Variants in SCAP observed in about 807,000 individuals in gnomAD.
The protein encoded by SCAP is sterol regulatory element-binding protein cleavage-activating protein.
Under a neutral mutation model 123.6 loss-of-function variants are expected in SCAP, and 65 were observed. That is an observed-to-expected ratio of 0.53 (90% CI 0.43 to 0.65). SCAP has a LOEUF of 0.65. Ranked by LOEUF, SCAP falls within the 30% of genes least tolerant of loss-of-function variation. The pLI is 0.00. For synonymous variants in SCAP, 740 were observed against 726.3 expected (o/e 1.02, Z -0.30); for missense variants, 1,398 against 1,712.5 (o/e 0.82, Z 3.24).
At chr3:47,469,040 T>C (rs1447671102) in intron 1 of SCAP, among the ~76,000 whole-genome samples, 1 of 152,188 alleles carries the variant, frequency 6.6e-6, no homozygotes, top group Non-Finnish European at 1.5e-5. Context: ...TGTCACTAAA[T>C]AGTACACTTA....
intron 3 of SCAP, among the ~76,000 whole-genome samples, chr3:47,430,098 C>T (rs1177270911): frequency 6.6e-6 from 1 of 152,210 alleles, no homozygotes; most frequent in East Asian, 1.9e-4. Flanking sequence ...CACACGCATA[C>T]AAACAGTGTC....
intron 2 of SCAP, among the ~76,000 whole-genome samples, chr3:47,436,680 T>C (rs977411512): frequency 6.6e-6 from 1 of 152,216 alleles, no homozygotes; most frequent in Non-Finnish European, 1.5e-5. Flanking sequence ...ATGTACATTT[T>C]GTTTCAGATC....
In SCAP at chr3:47,419,253, G is replaced by A; in HGVS notation, c.1940+75C>T. On this transcript the variant is annotated intron_variant, in intron 13 of 22. Coordinates refer to ENST00000265565, the MANE Select transcript of SCAP (RefSeq NM_012235.4). This position sits in a 1 kb window ranked among gnomAD's most constrained non-coding sequence, Gnocchi z 5.0. ...TTATTTGCATAATTCAAACCTGTGG[G>A]CCTCCTGCATTGGGGAAAGGGGATG... is the stretch of plus-strand genomic sequence containing the variant. 2 of 1,508,994 alleles carry A rather than the reference G, an allele frequency of 1.3e-6. No homozygotes were observed. Among genetic ancestry groups the A allele is most frequent in the African/African-American group, 2.8e-5 (2 of 72,100 alleles). The allele number at this position is 1,508,994 out of a possible 1,614,324, so 93.5% of individuals were successfully genotyped here.
chr3:47,460,618 T>G (rs1707596056), intron 1 of SCAP, among the ~76,000 whole-genome samples: 1 of 152,118 alleles, frequency 6.6e-6, no homozygotes. Flanking sequence ...AGTGGCACAA[T>G]CTCGGCTCAC....
chr3:47,425,942 T>G, intron 7 of SCAP, 55 bp downstream of exon 7: 1 of 1,598,320 alleles, frequency 6.3e-7, no homozygotes, highest in Non-Finnish European at 8.6e-7. Context: ...GCAGGTGACA[T>G]GGAAATGCCC....
At chr3:47,425,705 G>A (rs1001905398) in intron 7 of SCAP, 94 bp from the exon 8 acceptor site, 30 of 1,391,056 alleles carry the variant, frequency 2.2e-5, no homozygotes, top group Non-Finnish European at 3.0e-5. Flanking sequence ...AGTCGAGGAA[G>A]GGAAAACTCC....
chr3:47,462,963 A>T (rs1344344031), intron 1 of SCAP, among the ~76,000 whole-genome samples: 1 of 151,618 alleles, frequency 6.6e-6, no homozygotes, highest in Non-Finnish European at 1.5e-5. Context: ...TCCAATTCTC[A>T]TCTGTTTGCT....
At chr3:47,454,272 C>T (rs963513137) in intron 1 of SCAP, among the ~76,000 whole-genome samples, 1 of 151,580 alleles carries the variant, frequency 6.6e-6, no homozygotes, top group African/African-American at 2.4e-5. Flanking sequence ...GAGGCTGAGG[C>T]AGGAGAATGG....
At chr3:47,474,408 T>G (rs1708188572) in intron 1 of SCAP, among the ~76,000 whole-genome samples, 1 of 152,218 alleles carries the variant, frequency 6.6e-6, no homozygotes, top group Admixed American at 6.5e-5. Context: ...TTAAATATAT[T>G]TATATAGTGT....
At chr3:47,425,173 C>T (rs914399729) in intron 8 of SCAP, 1 of 281,178 alleles carries the variant, frequency 3.6e-6, no homozygotes, top group African/African-American at 2.2e-5. Flanking sequence ...ACAAATCCGA[C>T]TACACACATG....
At chr3:47,428,449 G>A in intron 4 of SCAP, 64 bp downstream of exon 4, 1 of 1,509,052 alleles carries the variant, frequency 6.6e-7, no homozygotes, top group Non-Finnish European at 9.1e-7. Context: ...TTACACTGAG[G>A]ACTGTAACTC....
chr3:47,459,620 G>A (rs866571461), intron 1 of SCAP, among the ~76,000 whole-genome samples: 8 of 152,136 alleles, frequency 5.3e-5, no homozygotes, highest in South Asian at 2.1e-4. Context: ...CAAAAGGGGA[G>A]GGGGTGCAAG....
At chr3:47,425,933 C>A in intron 7 of SCAP, 64 bp downstream of exon 7, 1 of 1,566,416 alleles carries the variant, frequency 6.4e-7, no homozygotes, top group Non-Finnish European at 8.7e-7. Flanking sequence ...GCCAGGGAAG[C>A]AGGTGACATG....
chr3:47,418,189 C>T lies in SCAP; in HGVS notation c.2392G>A (p.Val798Ile), dbSNP rs12487736. The T allele has an allele frequency of 0.55, 869,779 of 1,574,632 alleles. 244,920 individuals carry two copies. Among genetic ancestry groups the T allele is most frequent in the Non-Finnish European group, 0.58 (670,277 of 1,160,730 alleles). Reference sequence around the variant, plus strand: ...CCGGTCTGCGCGTCCCACACGCAGACGTGGCCTGCCAGGCAGCAGCTCACC... The same window carrying T: ...CCGGTCTGCGCGTCCCACACGCAGATGTGGCCTGCCAGGCAGCAGCTCACC... ...LLVSCCLAGH[V>I]CVWDAQTGDC... The change falls in exon 16 of 23, where the codon GTC becomes ATC. Residue 798 changes from valine (V) to isoleucine (I), a missense_variant. Val to Ile is a conservative substitution (Grantham distance 29). Transcript: ENST00000265565.
At chr3:47,425,731 A>G in intron 7 of SCAP, 120 bp from the exon 8 acceptor site, 4 of 1,149,982 alleles carry the variant, frequency 3.5e-6, no homozygotes, top group Middle Eastern at 2.2e-4. Flanking sequence ...TCACCAAAGG[A>G]AAGGGACAGG....
chr3:47,438,670 C>T (rs1706680430), intron 2 of SCAP, among the ~76,000 whole-genome samples: 4 of 151,634 alleles, frequency 2.6e-5, no homozygotes, highest in African/African-American at 9.7e-5. Flanking sequence ...AAAAATTGGC[C>T]GGACGCGGTG....
intron 18 of SCAP, among the ~76,000 whole-genome samples, chr3:47,416,709 C>T (rs1705592799): frequency 6.7e-6 from 1 of 148,816 alleles, no homozygotes; most frequent in African/African-American, 2.5e-5. Context: ...TCACTGCAAG[C>T]TCCGCCTCCC....
intron 4 of SCAP, among the ~76,000 whole-genome samples, chr3:47,428,170 A>C (rs1706218928): frequency 6.6e-6 from 1 of 152,138 alleles, no homozygotes; most frequent in Non-Finnish European, 1.5e-5. Flanking sequence ...CCCCAGGTAG[A>C]GCTTGCTTCT....
At chr3:47,426,452 T>G (rs1206692664) in intron 6 of SCAP, among the ~76,000 whole-genome samples, 1 of 152,128 alleles carries the variant, frequency 6.6e-6, no homozygotes, top group Admixed American at 6.5e-5. Flanking sequence ...TATTTTTTAT[T>G]TTTTGAGACA....
Sources: gnomAD v4.1 joint callset for allele counts (sites outside exome capture counted in the v4.1 genomes callset) on GRCh38, gnomAD v4.1.1 for gene constraint, Gnocchi (gnomAD v3.1) non-coding constraint, MANE v1.5 for transcripts, NCBI Gene and HGNC (gene_info 2026-07-23, HGNC 2026-07-21) for gene names.